NCAM2: variants seen among roughly 807,000 people sequenced by gnomAD.
The protein encoded by NCAM2 is N-CAM-2.
NCAM2 carries 30 observed loss-of-function variants against 98.1 expected under a neutral mutation model. The observed-to-expected ratio is 0.31, with a 90% confidence interval of 0.23 to 0.41. The LOEUF is 0.41. NCAM2 is among the 10% of genes least tolerant of loss of function. NCAM2 has a pLI of 1.00. For synonymous variants in NCAM2, 368 were observed against 342.4 expected (o/e 1.07, Z -0.83); for missense variants, 867 against 1,005.8 (o/e 0.86, Z 1.87).
intron 1 of NCAM2, among the ~76,000 whole-genome samples, chr21:21,152,067 AACTCT>A (rs2067465192): frequency 6.6e-6 from 1 of 151,918 alleles, no homozygotes; most frequent in Admixed American, 6.6e-5. Flanking sequence ...TCTCTTCTGG[AACTCT>A]AACTCCATGT....
chr21:21,186,757 T>G (rs1428371535), intron 1 of NCAM2, among the ~76,000 whole-genome samples: 1 of 152,176 alleles, frequency 6.6e-6, no homozygotes, highest in African/African-American at 2.4e-5. Context: ...TGATGAAGAA[T>G]AGCTTTATTT....
At position 21,098,270 on chromosome 21, in the gene NCAM2, G is replaced by T. The variant is rs569767694; in HGVS notation, c.55+99652G>T. Among the ~76,000 whole-genome samples, 8 of 151,510 alleles carry T rather than the reference G, an allele frequency of 5.3e-5. No individual in the cohort carries two copies. In the South Asian group the frequency reaches 1.0e-3, roughly 20 times the overall value. On this transcript the variant is annotated intron_variant, in intron 1 of 17. Coordinates refer to ENST00000400546, the MANE Select transcript of NCAM2 (RefSeq NM_004540.5). Reference sequence around the variant, plus strand: ...CTAATATTTATAAAAATGTGCCTTGGTATTACTATGTAAACCCAAATTTAA... The same window carrying T: ...CTAATATTTATAAAAATGTGCCTTGTTATTACTATGTAAACCCAAATTTAA...
intron 9 of NCAM2, among the ~76,000 whole-genome samples, chr21:21,396,804 A>G (rs1050903998): frequency 6.6e-6 from 1 of 152,188 alleles, no homozygotes; most frequent in Non-Finnish European, 1.5e-5. Context: ...GAACAGCCCC[A>G]AAGATGGTGT....
intron 15 of NCAM2, among the ~76,000 whole-genome samples, 176 bp from the exon 16 acceptor site, chr21:21,508,675 T>C (rs1988144738): frequency 6.6e-6 from 1 of 151,918 alleles, no homozygotes; most frequent in Admixed American, 6.6e-5. Context: ...GGAATAGGCG[T>C]CAACAATCAT....
intron 8 of NCAM2, among the ~76,000 whole-genome samples, chr21:21,370,825 A>T (rs1305294923): frequency 6.6e-6 from 1 of 151,872 alleles, no homozygotes. Context: ...GATTAAATAC[A>T]CTAGTAAATG....
chr21:21,027,671 A>G (rs770699663), intron 1 of NCAM2, among the ~76,000 whole-genome samples: 7 of 152,210 alleles, frequency 4.6e-5, no homozygotes, highest in Non-Finnish European at 1.5e-5. Flanking sequence ...TAACACCTAC[A>G]GGGAGTTTAC....
At chr21:21,367,562 A>AT (rs1318983716) in intron 8 of NCAM2, among the ~76,000 whole-genome samples, 2 of 151,956 alleles carry the variant, frequency 1.3e-5, no homozygotes, top group Non-Finnish European at 2.9e-5. Flanking sequence ...GAAAGTTATT[A>AT]TTTTACTTTG....
At chr21:21,374,569 G>A (rs1185178259) in intron 9 of NCAM2, among the ~76,000 whole-genome samples, 1 of 151,822 alleles carries the variant, frequency 6.6e-6, no homozygotes, top group African/African-American at 2.4e-5. Flanking sequence ...ATAACCACGT[G>A]AGTTTTGGGA....
At chr21:21,383,054 A>G (rs139926234) in intron 9 of NCAM2, among the ~76,000 whole-genome samples, 127 of 152,278 alleles carry the variant, frequency 8.3e-4, no homozygotes, top group Non-Finnish European at 1.2e-3. Flanking sequence ...TAGTATTTGC[A>G]TGTGTTTGTT....
intron 16 of NCAM2, among the ~76,000 whole-genome samples, chr21:21,510,775 AT>A (rs1988323503): frequency 6.6e-6 from 1 of 151,872 alleles, no homozygotes; most frequent in Non-Finnish European, 1.5e-5. Context: ...TTGTTTTAAC[AT>A]TTTTACTCTC....
At chr21:21,501,278 T>A (rs963322449) in intron 15 of NCAM2, among the ~76,000 whole-genome samples, 1 of 152,006 alleles carries the variant, frequency 6.6e-6, no homozygotes, top group African/African-American at 2.4e-5. Flanking sequence ...TTTAAATTAG[T>A]GCAATGCATT....
At chr21:21,090,055 A>G (rs1244512810) in intron 1 of NCAM2, among the ~76,000 whole-genome samples, 1 of 152,144 alleles carries the variant, frequency 6.6e-6, no homozygotes, top group East Asian at 1.9e-4. Flanking sequence ...TTTCTACTCA[A>G]AGCATGGACC....
chr21:21,209,301 G>A (rs910379746), intron 1 of NCAM2, among the ~76,000 whole-genome samples: 5 of 152,074 alleles, frequency 3.3e-5, no homozygotes, highest in African/African-American at 7.2e-5. Flanking sequence ...CCACAGCCTC[G>A]AACTTCTAGA....
intron 12 of NCAM2, among the ~76,000 whole-genome samples, chr21:21,434,359 A>G (rs1194463870): frequency 6.6e-6 from 1 of 152,200 alleles, no homozygotes; most frequent in Non-Finnish European, 1.5e-5. Context: ...GGGACAGTTA[A>G]AAGCTTGCGA....
intron 1 of NCAM2, among the ~76,000 whole-genome samples, chr21:21,108,662 A>G (rs888482494): frequency 6.6e-6 from 1 of 152,130 alleles, no homozygotes; most frequent in African/African-American, 2.4e-5. Flanking sequence ...AGCAGAAGAG[A>G]AGAGCTGTAT....
At chr21:21,427,795 T>C (rs976559554) in intron 11 of NCAM2, among the ~76,000 whole-genome samples, 1 of 152,168 alleles carries the variant, frequency 6.6e-6, no homozygotes, top group Admixed American at 6.5e-5. Flanking sequence ...TACCTGCCAT[T>C]TGACTAAAAC....
At chr21:21,492,904 G>GA (rs1206706164) in intron 15 of NCAM2, among the ~76,000 whole-genome samples, 6 of 151,944 alleles carry the variant, frequency 3.9e-5, no homozygotes, top group Admixed American at 2.6e-4. Flanking sequence ...AAGAATCCAT[G>GA]AATAACACAC....
chr21:21,056,939 T>C (rs572107348), intron 1 of NCAM2, among the ~76,000 whole-genome samples: 7 of 152,222 alleles, frequency 4.6e-5, no homozygotes, highest in African/African-American at 1.4e-4. Flanking sequence ...TTATCTGATA[T>C]TATATACCCT....
intron 1 of NCAM2, among the ~76,000 whole-genome samples, chr21:21,120,213 T>C (rs1260818172): frequency 6.6e-6 from 1 of 152,220 alleles, no homozygotes; most frequent in Non-Finnish European, 1.5e-5. Context: ...GGGTATTCGT[T>C]GGAATTAACA....
Sources: allele counts gnomAD v4.1 joint callset (sites outside exome capture counted in the v4.1 genomes callset), GRCh38; gene constraint gnomAD v4.1.1; transcripts MANE v1.5; gene names NCBI Gene and HGNC (gene_info 2026-07-23, HGNC 2026-07-21).